The following SLC25A13 variants were observed in gnomAD, a reference collection of about 807,000 sequenced individuals.
SLC25A13 encodes the protein solute carrier family 25 member 13.
In SLC25A13, 70 loss-of-function variants were observed where a neutral mutation model predicts 85.5. The ratio of observed to expected loss-of-function variants is 0.82; its 90% CI spans 0.68 to 1.00. The LOEUF is 1.00. SLC25A13 is among the 50% of genes least tolerant of loss of function. The pLI, the probability that SLC25A13 is intolerant of heterozygous loss-of-function variation, is 0.00. For synonymous variants in SLC25A13, 259 were observed against 288.7 expected, an observed-to-expected ratio of 0.90 and a Z score of 1.04; for missense variants, 765 against 819.8, an observed-to-expected ratio of 0.93 and a Z score of 0.82.
At position 96,322,080 on chromosome 7, in the gene SLC25A13, G is replaced by A. The variant is rs886562781; in HGVS notation, c.-124C>T. On this transcript the variant is annotated 5_prime_UTR_variant, in exon 1 of 18. The change creates a new upstream start codon in the 5' untranslated region. Transcript: ENST00000265631. The stretch of plus-strand genomic sequence containing the variant: ...GGGGGCGGCGATACGGCCAGGCAGC[G>A]TGCGTTCCTGGCCTGCCTCCCCACG... 7.5e-6 allele frequency: 10 copies of A among 1,330,294 alleles called. No individual in the cohort carries two copies. Among genetic ancestry groups the A allele is most frequent in the South Asian group, 1.3e-5 (1 of 77,516 alleles). 82.4% of individuals were successfully genotyped at this position (1,330,294 alleles called of 1,614,324 possible).
At chr7:96,212,190 GGAGTGTATCAAACACATGAC>G (rs1274678013) in intron 4 of SLC25A13, among the ~76,000 whole-genome samples, 1 of 152,094 alleles carries the variant, frequency 6.6e-6, no homozygotes, top group Admixed American at 6.5e-5. Flanking sequence ...CTGGAGTTGG[GGAGTGTATCAAACACATGAC>G]CCTGAGGATG....
At chr7:96,280,099 T>C (rs1798613260) in intron 2 of SLC25A13, among the ~76,000 whole-genome samples, 1 of 152,120 alleles carries the variant, frequency 6.6e-6, no homozygotes, top group South Asian at 2.1e-4. Context: ...GTCAGAGATG[T>C]TTCAGGACCA....
At chr7:96,124,320 C>T (rs1456706835) in intron 15 of SLC25A13, among the ~76,000 whole-genome samples, 1 of 152,040 alleles carries the variant, frequency 6.6e-6, no homozygotes, top group Non-Finnish European at 1.5e-5. Context: ...GGCTGTTTTC[C>T]AAATCCCCTT....
Position 96,304,704 on chromosome 7 carries a change from T to C in SLC25A13, c.16-7753A>G, listed in dbSNP as rs146169845. Among the ~76,000 whole-genome samples the C allele has an allele frequency of 5.7e-4, 87 of 152,282 alleles. No homozygotes were observed. In the East Asian group the frequency reaches 0.016, roughly 28 times the overall value. On this transcript the variant is annotated intron_variant, in intron 1 of 17. Coordinates refer to ENST00000265631, the MANE Select transcript of SLC25A13 (RefSeq NM_014251.3). Reference sequence around the variant, plus strand: ...GGGCCAAACTACCCCACCCCCCAGCTAACAACCACTCCTTAGATGGTGATG... The same window carrying C: ...GGGCCAAACTACCCCACCCCCCAGCCAACAACCACTCCTTAGATGGTGATG...
chr7:96,201,957 A>G (rs1218621551), intron 5 of SLC25A13, among the ~76,000 whole-genome samples: 1 of 152,166 alleles, frequency 6.6e-6, no homozygotes, highest in Non-Finnish European at 1.5e-5. Flanking sequence ...GTAGAGGGAC[A>G]TTGGCAACTA....
At chr7:96,245,106 G>A (rs1216293232) in intron 3 of SLC25A13, among the ~76,000 whole-genome samples, 1 of 152,036 alleles carries the variant, frequency 6.6e-6, no homozygotes, top group East Asian at 1.9e-4. Flanking sequence ...CCAACCAGGG[G>A]GATTTACTGG....
chr7:96,316,114 A>C (rs1800117783), intron 1 of SLC25A13, among the ~76,000 whole-genome samples: 1 of 151,702 alleles, frequency 6.6e-6, no homozygotes, highest in Non-Finnish European at 1.5e-5. Flanking sequence ...AGAGAGTGAG[A>C]CCCTGTCCCA....
At chr7:96,233,988 C>G (rs1796651063) in intron 4 of SLC25A13, among the ~76,000 whole-genome samples, 1 of 152,170 alleles carries the variant, frequency 6.6e-6, no homozygotes. Context: ...AAAGCACAAT[C>G]CACATGCCTA....
intron 3 of SLC25A13, among the ~76,000 whole-genome samples, chr7:96,252,954 C>G (rs768371634): frequency 2.0e-5 from 3 of 152,086 alleles, no homozygotes; most frequent in Non-Finnish European, 4.4e-5. Flanking sequence ...ATTATCTGGG[C>G]ATGGTGCCAT....
chr7:96,295,039 A>C (rs1226902803), intron 2 of SLC25A13, among the ~76,000 whole-genome samples: 1 of 152,198 alleles, frequency 6.6e-6, no homozygotes, highest in African/African-American at 2.4e-5. Context: ...CTGAATCGTT[A>C]CAATTTAAAA....
At chr7:96,191,354 T>C in intron 6 of SLC25A13, 107 bp from the exon 7 acceptor site, 2 of 1,177,762 alleles carry the variant, frequency 1.7e-6, no homozygotes, top group Non-Finnish European at 2.4e-6. Flanking sequence ...AAAATGCATG[T>C]ACAAGAAGAA....
Position 96,277,205 on chromosome 7 carries a change from G to C in SLC25A13, c.203C>G (p.Thr68Ser), listed in dbSNP as rs148573021. The C allele has an allele frequency of 1.3e-6, 2 of 1,591,718 alleles. No individual in the cohort carries two copies. Among genetic ancestry groups the C allele is most frequent in the African/African-American group, 2.7e-5 (2 of 74,014 alleles). The change falls in exon 3 of 18, where the codon ACC becomes AGC. Residue 68 changes from threonine to serine, a missense_variant. Thr to Ser is a moderately conservative substitution (Grantham distance 58). Coordinates refer to ENST00000265631, the MANE Select transcript of SLC25A13 (RefSeq NM_014251.3). ...VELLSGVVDQ[T>S]KDGLISFQEF... ...TTAAAAATAAACATACCCATCTTTG[G>C]TCTGATCCACCACTCCACTTAAAAG... is the stretch of plus-strand genomic sequence containing the variant.
chr7:96,166,846 C>T (rs1373906463), intron 13 of SLC25A13: 1 of 152,116 alleles, frequency 6.6e-6, no homozygotes, highest in Non-Finnish European at 1.5e-5. Flanking sequence ...AATCACATCC[C>T]TCTAAAGGTG....
Position 96,169,536 on chromosome 7 carries a change from A to C in SLC25A13, c.1311+509T>G, listed in dbSNP as rs1793912090. Among the ~76,000 whole-genome samples the C allele has an allele frequency of 2.0e-5, 3 of 152,162 alleles. No homozygotes were observed. In the South Asian group the frequency reaches 6.2e-4, roughly 31 times the overall value. On this transcript the variant is annotated intron_variant, in intron 13 of 17. Transcript: ENST00000265631. ...TCCATATAAGGAAACAATCATTCCA[A>C]GCATTTTTGACAATGCAGCGCACAC... is the stretch of plus-strand genomic sequence containing the variant.
chr7:96,280,039 G>A (rs779877739), intron 2 of SLC25A13, among the ~76,000 whole-genome samples: 1 of 152,142 alleles, frequency 6.6e-6, no homozygotes, highest in Non-Finnish European at 1.5e-5. Context: ...GCTGACCTAC[G>A]CTCCATGGGA....
chr7:96,250,180 C>G (rs1032968587), intron 3 of SLC25A13, among the ~76,000 whole-genome samples: 70 of 152,074 alleles, frequency 4.6e-4, no homozygotes, highest in African/African-American at 1.5e-3. Flanking sequence ...AAGTGAGACT[C>G]TGTCTCAAAA....
chr7:96,187,028 G>GGTGA (rs1247808009), intron 9 of SLC25A13, among the ~76,000 whole-genome samples: 1 of 151,948 alleles, frequency 6.6e-6, no homozygotes, highest in Non-Finnish European at 1.5e-5. Flanking sequence ...TCATACTTCA[G>GGTGA]GTCAGTCAGT....
At chr7:96,270,320 C>A (rs1213825139) in intron 3 of SLC25A13, among the ~76,000 whole-genome samples, 1 of 152,136 alleles carries the variant, frequency 6.6e-6, no homozygotes, top group Non-Finnish European at 1.5e-5. Flanking sequence ...CTTTGGGAGG[C>A]CAAGGCAGGT....
chr7:96,276,043 T>C (rs368923924), intron 3 of SLC25A13, among the ~76,000 whole-genome samples: 2 of 152,144 alleles, frequency 1.3e-5, no homozygotes, highest in East Asian at 3.9e-4. Context: ...ATAGAGAAAA[T>C]TCAGAGCTAG....
Sources: allele counts gnomAD v4.1 joint callset (sites outside exome capture counted in the v4.1 genomes callset), GRCh38; gene constraint gnomAD v4.1.1; transcripts MANE v1.5; gene names NCBI Gene and HGNC (gene_info 2026-07-23, HGNC 2026-07-21).